TTN: variants seen among roughly 807,000 people sequenced by gnomAD.
TTN encodes the protein connectin.
Under a neutral mutation model 3,223.0 loss-of-function variants are expected in TTN, and 1,525 were observed. That is an observed-to-expected ratio of 0.47 (90% CI 0.45 to 0.49). The LOEUF is 0.49. Among genes scored for constraint, TTN ranks in the 20% least tolerant of loss-of-function variants. TTN has a pLI of 0.00. For synonymous variants in TTN, 14,094 were observed against 15,161.0 expected (o/e 0.93, Z 5.17); for missense variants, 40,786 against 43,424.0 (o/e 0.94, Z 5.40).
At chr2:178,759,220 T>A in intron 43 of TTN, 48 bp from the exon 44 acceptor site, 1 of 1,586,340 alleles carries the variant, frequency 6.3e-7, no homozygotes, top group Non-Finnish European at 8.7e-7. Context: ...AATGAGTGGA[T>A]TTTTACAATT....
rs572470666 is a variant in TTN at position 178,803,767 on chromosome 2, T to C, written c.91+785A>G. Among the ~76,000 whole-genome samples the C allele has an allele frequency of 4.0e-5, 6 of 151,786 alleles. No homozygotes were observed. In the South Asian group the frequency reaches 1.0e-3, roughly 26 times the overall value. The stretch of plus-strand genomic sequence containing the variant: ...TACAATACTACAGAAAGAGAAAATA[T>C]TGATTAATTTTAAAATTATTTACAA... On this transcript the variant is annotated intron_variant, in intron 2 of 362. Coordinates refer to ENST00000589042, the MANE Select transcript of TTN (RefSeq NM_001267550.2).
Position 178,664,069 on chromosome 2 carries a change from C to A in TTN, c.36310G>T (p.Glu12104Ter), listed in dbSNP as rs1455879402. Residue 12104 changes from glutamate to a stop codon, truncating the protein, a stop_gained, in exon 169 of 363, where the codon GAA becomes TAA. Coordinates refer to ENST00000589042, the MANE Select transcript of TTN (RefSeq NM_001267550.2). LOFTEE classifies it high-confidence loss of function. ...VHEAPKEIIPEKKVSVVPPKK... is the reference protein window; with the variant it reads ...VHEAPKEIIP ...GGAGGCACCACCGACACTTTCTTTTCAGGGATAATCTCTTTGGGAGCTTCG... is the reference window on the plus strand; with the variant it reads ...GGAGGCACCACCGACACTTTCTTTTAAGGGATAATCTCTTTGGGAGCTTCG... 9.3e-6 allele frequency: 15 copies of A among 1,612,712 alleles called. No homozygotes were observed. In the Admixed American group the frequency reaches 2.3e-4, roughly 25 times the overall value.
In TTN at chr2:178,563,793, C is replaced by T. The variant is rs758840788; in HGVS notation, c.82339G>A (p.Val27447Met). 1.9e-6 allele frequency: 3 copies of T among 1,613,712 alleles called. No individual in the cohort carries two copies. In the South Asian group the frequency reaches 3.3e-5, roughly 18 times the overall value. Residue 27447 changes from valine (V) to methionine (M), a missense_variant, in exon 326 of 363, where the codon GTG (valine) becomes ATG (methionine). Physicochemically the swap from Val to Met is conservative, Grantham distance 21. Coordinates refer to ENST00000589042, the MANE Select transcript of TTN (RefSeq NM_001267550.2). This position sits in a 1 kb window ranked among gnomAD's most constrained non-coding sequence, Gnocchi z 4.5. ...GNEYIFRVMA[V>M]NKYGIGEPLE... ...GGCTCTCCAATTCCATATTTATTCA[C>T]AGCCATGACACGGAAAATGTACTCA...
chr2:178,783,637 G>T, intron 17 of TTN, 83 bp downstream of exon 17: 2 of 1,228,462 alleles, frequency 1.6e-6, no homozygotes, highest in South Asian at 1.3e-5. Context: ...GTATTAATTT[G>T]AGAAACTGAT....
chr2:178,711,101 T>C lies in TTN; in HGVS notation c.28135A>G (p.Ile9379Val), dbSNP rs1220876999. The change falls in exon 97 of 363, where the codon ATA becomes GTA. Residue 9379 changes from isoleucine (I) to valine (V), a missense_variant. Transcript: ENST00000589042. ...GQYSCTATNP[I>V]GSASSSARLI... ...CTGGCACTGGAAGAAGCAGAGCCTATAGGGTTTGTAGCTGTGCAGGAATAC... is the reference window on the plus strand; with the variant it reads ...CTGGCACTGGAAGAAGCAGAGCCTACAGGGTTTGTAGCTGTGCAGGAATAC... 6.2e-7 allele frequency: 1 copy of C among 1,612,602 alleles called. No homozygotes were observed. The highest frequency in any genetic ancestry group is 2.2e-5 in the East Asian group (1 of 44,880).
Position 178,650,192 on chromosome 2 carries a change from C to T in TTN, c.39789G>A (p.Glu13263=). The T allele has an allele frequency of 6.3e-7, 1 of 1,592,550 alleles. No homozygotes were observed. Among genetic ancestry groups the T allele is most frequent in the Non-Finnish European group, 8.6e-7 (1 of 1,168,278 alleles). ...EEEKPVPVAE[E]EEPEVPPPAV... ...CTGGAGGTGGAACCTCTGGTTCCTCCTCTTCTGCAACAGGAACTGGCTTTT... is the reference window on the plus strand; with the variant it reads ...CTGGAGGTGGAACCTCTGGTTCCTCTTCTTCTGCAACAGGAACTGGCTTTT... The change falls in exon 210 of 363, where the codon GAG becomes GAA. Residue 13263 remains glutamate (E), a synonymous_variant. Transcript: ENST00000589042.
rs749032092 is a variant in TTN at position 178,543,300 on chromosome 2, T to C, written c.96673A>G (p.Lys32225Glu). 1 of 1,613,736 alleles carries C rather than the reference T, an allele frequency of 6.2e-7. No homozygotes were observed. Among genetic ancestry groups the C allele is most frequent in the Non-Finnish European group, 8.5e-7 (1 of 1,179,810 alleles). The change falls in exon 347 of 363, where the codon AAA becomes GAA. Residue 32225 changes from lysine (K) to glutamate (E), a missense_variant. By Grantham distance (56) the Lys-to-Glu change is moderately conservative. Transcript: ENST00000589042. Reference protein sequence around the residue: ...TKSTVTLAWEKPLYDGGSRLT... With the variant: ...TKSTVTLAWEEPLYDGGSRLT... ...CGGCTACCACCATCGTAGAGTGGTT[T>C]TTCCCAGGCAAGGGTAACAGTGGAT...
At chr2:178,713,043 A>C (rs2076891101) in intron 93 of TTN, 42 bp downstream of exon 93, 1 of 1,605,738 alleles carries the variant, frequency 6.2e-7, no homozygotes. Flanking sequence ...CATGCTTAAT[A>C]AACTATGAAA....
intron 7 of TTN, 146 bp from the exon 8 acceptor site, chr2:178,794,697 T>A (rs1221337992): frequency 7.1e-6 from 8 of 1,130,032 alleles, no homozygotes; most frequent in Non-Finnish European, 1.0e-5. Context: ...AGAGACTGTA[T>A]CATTAAAACC....
Position 178,567,015 on chromosome 2 carries a change from A to G in TTN, c.79117T>C (p.Leu26373=), listed in dbSNP as rs749452514. 5.0e-6 allele frequency: 8 copies of G among 1,613,492 alleles called. No homozygotes were observed. The African/African-American group carries it at 1.1e-4, about 22-fold the overall frequency. The part of the protein sequence containing the change: ...AVNKYGVGEP[L]ESAPVLMKNP... ...TTCATTAGTACTGGTGCAGATTCCA[A>G]AGGCTCTCCAACACCATATTTGTTG... Residue 26373 remains leucine (L), a synonymous_variant, in exon 326 of 363, where the codon TTG becomes CTG. Transcript: ENST00000589042.
At position 178,618,306 on chromosome 2, in the gene TTN, C is replaced by T; in HGVS notation, c.47152G>A (p.Val15718Ile). The T allele has an allele frequency of 6.2e-7, 1 of 1,612,708 alleles. No individual in the cohort carries two copies. The highest frequency in any genetic ancestry group is 8.5e-7 in the Non-Finnish European group (1 of 1,179,168). ...TDRAESCEFT[V>I]TGLQKGGVEY... Reference sequence around the variant, plus strand: ...ACTCCTCCTTTCTGTAGACCAGTGACAGTAAACTCACAACTCTCTGCACGG... The same window carrying T: ...ACTCCTCCTTTCTGTAGACCAGTGATAGTAAACTCACAACTCTCTGCACGG... Residue 15718 changes from valine to isoleucine, a missense_variant, in exon 252 of 363, where the codon GTC (valine) becomes ATC (isoleucine). Transcript: ENST00000589042.
In TTN at chr2:178,725,513, T is replaced by G; in HGVS notation, c.20691A>C (p.Glu6897Asp). The G allele has an allele frequency of 1.2e-6, 2 of 1,613,390 alleles. No homozygotes were observed. Among genetic ancestry groups the G allele is most frequent in the Non-Finnish European group, 1.7e-6 (2 of 1,179,510 alleles). Residue 6897 changes from glutamate (E) to aspartate (D), a missense_variant, in exon 71 of 363, where the codon GAA becomes GAC. Physicochemically the swap from Glu to Asp is conservative, Grantham distance 45. Coordinates refer to ENST00000589042, the MANE Select transcript of TTN (RefSeq NM_001267550.2). ...CAAATGTAATCCTGATGTTTTCACT[T>G]TCTCTAATCACTTCTTCCTTCTCTT... The part of the protein sequence containing the change: ...WLKEKEEVIR[E>D]SENIRITFVE...
At chr2:178,587,828 G>C in intron 305 of TTN, 28 bp from the exon 306 acceptor site, 1 of 1,568,816 alleles carries the variant, frequency 6.4e-7, no homozygotes, top group Non-Finnish European at 8.6e-7. Context: ...GTCATTAATT[G>C]ATTTTTCAGA....
rs1459045448 is a variant in TTN at position 178,629,434 on chromosome 2, A to G, written c.44291T>C (p.Ile14764Thr). 5 of 1,612,794 alleles carry G rather than the reference A, an allele frequency of 3.1e-6. No homozygotes were observed. In the Admixed American group the frequency reaches 8.3e-5, roughly 27 times the overall value. Reference sequence around the variant, plus strand: ...ATCCTTTAAAGGCCTCAGAAGACCAATTACTCGTGCTTTTCGAGAGGGAAG... The same window carrying G: ...ATCCTTTAAAGGCCTCAGAAGACCAGTTACTCGTGCTTTTCGAGAGGGAAG... The part of the protein sequence containing the change: ...SAHLRVKPRV[I>T]GLLRPLKDVT... Residue 14764 changes from isoleucine (I) to threonine (T), a missense_variant, in exon 240 of 363, where the codon ATT becomes ACT. Physicochemically the swap from Ile to Thr is moderately conservative, Grantham distance 89. Transcript: ENST00000589042.
At chr2:178,555,364 C>T in intron 330 of TTN, 2 of 526,110 alleles carry the variant, frequency 3.8e-6, no homozygotes, top group Non-Finnish European at 6.5e-6. Flanking sequence ...TGTGCAGGGA[C>T]TTAAGCACCT....
rs754163825 is a variant in TTN at position 178,530,040 on chromosome 2, G to T, written c.106451C>A (p.Thr35484Asn). The T allele has an allele frequency of 5.0e-6, 8 of 1,610,710 alleles. No homozygotes were observed. Among genetic ancestry groups the T allele is most frequent in the Non-Finnish European group, 5.9e-6 (7 of 1,179,070 alleles). ...ACAAGTATAAAGTCCACTGTCAGAA[G>T]TATCAGTCTTATGAATTTCTAAGAA... ...GFFLEIHKTD[T>N]SDSGLYTCTV... The change falls in exon 359 of 363, where the codon ACT (threonine) becomes AAT (asparagine). Residue 35484 changes from threonine (T) to asparagine (N), a missense_variant. Transcript: ENST00000589042.
rs772070633 is a variant in TTN, at chr2:178,720,578, A to C, written c.23184T>G (p.Thr7728=). The change falls in exon 80 of 363, where the codon ACT becomes ACG. Residue 7728 remains threonine (T), a synonymous_variant. Transcript: ENST00000589042. ...DVILQCEISG[T]PPFEVVWVKD... is the part of the protein sequence containing the mutation. Reference sequence around the variant, plus strand: ...TAACCCATACTACTTCAAATGGGGGAGTTCCCGAAATTTCACATTGGAGAA... The same window carrying C: ...TAACCCATACTACTTCAAATGGGGGCGTTCCCGAAATTTCACATTGGAGAA... 2.5e-5 allele frequency: 41 copies of C among 1,613,356 alleles called. No homozygotes were observed. The highest frequency in any genetic ancestry group is 2.5e-6 in the Non-Finnish European group (3 of 1,179,552).
At chr2:178,777,613 AT>A (rs1561307057) in intron 25 of TTN, 29 bp from the exon 26 acceptor site, 2 of 1,613,362 alleles carry the variant, frequency 1.2e-6, no homozygotes, top group Non-Finnish European at 8.5e-7. Flanking sequence ...AAGAAAGTAG[AT>A]TTTAAAATAG....
At chr2:178,673,827 C>T (rs1278098691) in intron 151 of TTN, 117 bp from the exon 152 acceptor site, 6 of 711,290 alleles carry the variant, frequency 8.4e-6, no homozygotes, top group Non-Finnish European at 1.4e-5. Flanking sequence ...ATATTAGCAA[C>T]CTAAATGGTA....
Sources: allele counts gnomAD v4.1 joint callset (sites outside exome capture counted in the v4.1 genomes callset), GRCh38; gene constraint gnomAD v4.1.1; non-coding constraint Gnocchi (gnomAD v3.1); transcripts MANE v1.5; gene names NCBI Gene and HGNC (gene_info 2026-07-23, HGNC 2026-07-21).